Variants in SNX29 observed in about 807,000 individuals in gnomAD.
SNX29 encodes the protein sorting nexin-29.
A neutral mutation model predicts 102.1 loss-of-function variants in SNX29; 78 were observed. The observed-to-expected ratio is 0.76, with a 90% CI of 0.64 to 0.92. SNX29 has a LOEUF of 0.92. Among genes scored for constraint, SNX29 ranks in the 40% least tolerant of loss-of-function variants. The pLI, the probability that SNX29 is intolerant of heterozygous loss-of-function variation, is 0.00. For synonymous variants in SNX29, 580 were observed against 414.5 expected (o/e 1.40, Z -4.85); for missense variants, 1,280 against 1,061.7 (o/e 1.21, Z -2.86).
At chr16:12,564,044 G>C (rs755860543) in intron 20 of SNX29, among the ~76,000 whole-genome samples, 2 of 146,518 alleles carry the variant, frequency 1.4e-5, no homozygotes, top group African/African-American at 4.8e-5. Context: ...ACCGGTAAAA[G>C]GTTGTGGTTT....
intron 11 of SNX29, among the ~76,000 whole-genome samples, chr16:12,086,193 A>T (rs2052172070): frequency 6.6e-6 from 1 of 151,442 alleles, no homozygotes; most frequent in South Asian, 2.1e-4. Context: ...TTTAGTAGAG[A>T]CGGGATTTCA....
chr16:12,160,245 C>G (rs2055726828), intron 13 of SNX29, among the ~76,000 whole-genome samples: 2 of 152,174 alleles, frequency 1.3e-5, no homozygotes, highest in African/African-American at 4.8e-5. Context: ...TGACTGTATT[C>G]ATGTTGCTGA....
chr16:12,186,671 A>G (rs1187338151), intron 13 of SNX29, among the ~76,000 whole-genome samples: 1 of 152,154 alleles, frequency 6.6e-6, no homozygotes, highest in African/African-American at 2.4e-5. Context: ...TGTCTCTTTA[A>G]TCTGGGGAAC....
At chr16:12,359,810 C>T (rs966151148) in intron 16 of SNX29, among the ~76,000 whole-genome samples, 6 of 152,104 alleles carry the variant, frequency 3.9e-5, no homozygotes, top group Non-Finnish European at 4.4e-5. Flanking sequence ...ACCATTATCA[C>T]ACCTATTTTT....
chr16:12,540,718 G>T (rs764800475), intron 20 of SNX29, among the ~76,000 whole-genome samples: 1 of 152,190 alleles, frequency 6.6e-6, no homozygotes, highest in Admixed American at 6.5e-5. Flanking sequence ...ACGCTCCAGG[G>T]ATGAAGAGCT....
At chr16:12,025,226 T>C (rs933015927) in intron 3 of SNX29, among the ~76,000 whole-genome samples, 5 of 134,164 alleles carry the variant, frequency 3.7e-5, no homozygotes, top group Non-Finnish European at 7.6e-5. Flanking sequence ...CGCTTGGACC[T>C]GGGAGGTGGA....
At chr16:11,999,685 T>G (rs965897966) in intron 2 of SNX29, among the ~76,000 whole-genome samples, 2 of 152,146 alleles carry the variant, frequency 1.3e-5, no homozygotes, top group Non-Finnish European at 2.9e-5. Flanking sequence ...CCGGATCACT[T>G]GAGGTCAGGA....
chr16:12,415,218 G>A (rs1224807016), intron 18 of SNX29, among the ~76,000 whole-genome samples: 1 of 152,258 alleles, frequency 6.6e-6, no homozygotes, highest in African/African-American at 2.4e-5. Flanking sequence ...TCTGCAGGTT[G>A]GAAGTCCTTT....
At chr16:12,565,166 A>C (rs1235632239) in intron 20 of SNX29, among the ~76,000 whole-genome samples, 4 of 152,048 alleles carry the variant, frequency 2.6e-5, no homozygotes, top group Admixed American at 6.5e-5. Context: ...ACATACTCCC[A>C]GTCCTACCCA....
At chr16:12,554,966 GA>G (rs1413194314) in intron 20 of SNX29, among the ~76,000 whole-genome samples, 1 of 150,110 alleles carries the variant, frequency 6.7e-6, no homozygotes, top group African/African-American at 2.5e-5. Context: ...TGGAGGTGGT[GA>G]GGGGGGTCAG....
chr16:12,506,591 T>G (rs2089390735), intron 19 of SNX29, among the ~76,000 whole-genome samples: 1 of 152,240 alleles, frequency 6.6e-6, no homozygotes. Context: ...GGCTATTTGA[T>G]TGCCCAAAAA....
chr16:12,502,127 C>T (rs964992097), intron 19 of SNX29, among the ~76,000 whole-genome samples: 1 of 152,190 alleles, frequency 6.6e-6, no homozygotes, highest in African/African-American at 2.4e-5. Context: ...ATGCTCCGTC[C>T]AGATGTGCGA....
chr16:12,233,267 A>G (rs1305743774), intron 14 of SNX29, among the ~76,000 whole-genome samples: 2 of 152,214 alleles, frequency 1.3e-5, no homozygotes, highest in African/African-American at 4.8e-5. Context: ...CTTAAAAAGA[A>G]TGAAATCTTG....
rs573612661 is a variant in SNX29, at chr16:12,528,442, C to T, written c.2318+3601C>T. On this transcript the variant is annotated intron_variant, in intron 20 of 20. Coordinates refer to ENST00000566228, the MANE Select transcript of SNX29 (RefSeq NM_032167.5). ...CTCAGACTCCTGACCTCAGGTGATCCGCGTACCTCGACCTCCGAAAGTGCT... is the reference window on the plus strand; with the variant it reads ...CTCAGACTCCTGACCTCAGGTGATCTGCGTACCTCGACCTCCGAAAGTGCT... Among the ~76,000 whole-genome samples, 5 of 152,248 alleles carry T rather than the reference C, an allele frequency of 3.3e-5. No individual in the cohort carries two copies. The South Asian group carries it at 6.2e-4, about 19-fold the overall frequency.
intron 16 of SNX29, among the ~76,000 whole-genome samples, chr16:12,385,239 A>T (rs985087750): frequency 2.0e-5 from 3 of 152,188 alleles, no homozygotes; most frequent in African/African-American, 7.2e-5. Flanking sequence ...GTCTTTGCTT[A>T]TTGGGGGACA....
chr16:12,373,129 A>G (rs1398273927), intron 16 of SNX29: 1 of 151,960 alleles, frequency 6.6e-6, no homozygotes, highest in Non-Finnish European at 1.5e-5. Context: ...ATTTCTTTAC[A>G]TTTTGTATTT....
At chr16:12,151,290 T>G (rs888779761) in intron 13 of SNX29, among the ~76,000 whole-genome samples, 1 of 144,962 alleles carries the variant, frequency 6.9e-6, no homozygotes, top group Non-Finnish European at 1.6e-5. Flanking sequence ...GACAAAAAAA[T>G]TATCACCACA....
intron 3 of SNX29, among the ~76,000 whole-genome samples, chr16:12,026,257 G>A (rs896327629): frequency 6.6e-6 from 1 of 152,096 alleles, no homozygotes; most frequent in Admixed American, 6.5e-5. Context: ...TTGCCCCATC[G>A]CCACCTGCCA....
chr16:12,116,977 C>T (rs564283107), intron 11 of SNX29, among the ~76,000 whole-genome samples: 10 of 151,068 alleles, frequency 6.6e-5, no homozygotes, highest in South Asian at 2.1e-4. Context: ...TGCTTCAATG[C>T]GGATGAACCA....
Sources: gnomAD v4.1 joint callset for allele counts (sites outside exome capture counted in the v4.1 genomes callset) on GRCh38, gnomAD v4.1.1 for gene constraint, MANE v1.5 for transcripts, NCBI Gene and HGNC (gene_info 2026-07-23, HGNC 2026-07-21) for gene names.